Variants in ZFAND3 observed in about 807,000 individuals in gnomAD.
ZFAND3 encodes the protein zinc finger AN1-type containing 3.
ZFAND3 carries 10 observed loss-of-function variants against 29.6 expected under a neutral mutation model. The ratio of observed to expected loss-of-function variants is 0.34; its 90% CI spans 0.21 to 0.57. The LOEUF is 0.57. ZFAND3 is among the 20% of genes least tolerant of loss of function. ZFAND3 has a pLI of 0.86. For synonymous variants in ZFAND3, 128 were observed against 112.6 expected, an observed-to-expected ratio of 1.14 and a Z score of -0.87; for missense variants, 230 against 304.5, an observed-to-expected ratio of 0.76 and a Z score of 1.82.
intron 3 of ZFAND3, among the ~76,000 whole-genome samples, chr6:38,073,785 A>G (rs1561989484): frequency 6.6e-6 from 1 of 152,216 alleles, no homozygotes; most frequent in Non-Finnish European, 1.5e-5. Context: ...ATTACATCTG[A>G]AAAACTAAAA....
intron 2 of ZFAND3, among the ~76,000 whole-genome samples, chr6:38,022,204 T>C (rs956820826): frequency 2.6e-5 from 4 of 152,234 alleles, no homozygotes; most frequent in Non-Finnish European, 5.9e-5. Context: ...GTTATTTGAA[T>C]GCACATTAAA....
intron 2 of ZFAND3, among the ~76,000 whole-genome samples, chr6:37,942,299 A>C (rs1040479994): frequency 6.6e-6 from 1 of 151,968 alleles, no homozygotes; most frequent in African/African-American, 2.4e-5. Flanking sequence ...AGAAGGGTAA[A>C]GTTTACCTCC....
intron 4 of ZFAND3, among the ~76,000 whole-genome samples, chr6:38,084,010 G>A (rs1306016902): frequency 2.6e-5 from 4 of 152,086 alleles, no homozygotes; most frequent in African/African-American, 9.6e-5. Context: ...TTTTACAGAT[G>A]AAAAAAATGT....
At position 38,061,648 on chromosome 6, in the gene ZFAND3, A is replaced by G. The variant is rs368459987; in HGVS notation, c.168A>G (p.Gln56=). 45 of 1,614,086 alleles carry G rather than the reference A, an allele frequency of 2.8e-5. No homozygotes were observed. Among genetic ancestry groups the G allele is most frequent in the African/African-American group, 5.3e-5 (4 of 74,928 alleles). Residue 56 remains glutamine, a synonymous_variant, in exon 3 of 6, where the codon CAA becomes CAG. Transcript: ENST00000287218. ...CCGCTCCAAGTACAAGTAACAGCCA[A>G]TCAGATTTGTTTTCCGAAGAGACCA... ...DDSAPSTSNS[Q]SDLFSEETTS...
chr6:37,820,884 C>T (rs72849354), intron 1 of ZFAND3, among the ~76,000 whole-genome samples: 9,949 of 152,270 alleles, frequency 0.065, 400 homozygotes, highest in Non-Finnish European at 0.094. Context: ...TTAAATTCTC[C>T]TGGTAACACT....
chr6:38,065,655 T>C (rs1201260419), intron 3 of ZFAND3, among the ~76,000 whole-genome samples: 1 of 152,212 alleles, frequency 6.6e-6, no homozygotes, highest in Non-Finnish European at 1.5e-5. Context: ...CTTTCTGCCC[T>C]AAGTTATAGA....
intron 1 of ZFAND3, among the ~76,000 whole-genome samples, chr6:37,876,048 G>A (rs13211881): frequency 0.13 from 19,824 of 151,844 alleles, 2,105 homozygotes; most frequent in African/African-American, 0.3. Context: ...TTATATTCAC[G>A]TTCTTTGCAA....
At chr6:37,851,144 A>C in intron 1 of ZFAND3, among the ~76,000 whole-genome samples, 1 of 135,326 alleles carries the variant, frequency 7.4e-6, no homozygotes. Context: ...GACTAATTTT[A>C]TCGTTTTCTT....
intron 4 of ZFAND3, among the ~76,000 whole-genome samples, chr6:38,086,877 A>G (rs12661200): frequency 0.46 from 69,945 of 152,046 alleles, 16,750 homozygotes; most frequent in Non-Finnish European, 0.52. Context: ...GACCCAGAAT[A>G]GACAAAGCTA....
intron 2 of ZFAND3, among the ~76,000 whole-genome samples, chr6:37,936,616 A>G (rs1211471061): frequency 1.3e-5 from 2 of 152,244 alleles, no homozygotes; most frequent in African/African-American, 4.8e-5. Flanking sequence ...TATGATGTAC[A>G]AGTGTATAGT....
chr6:37,905,178 T>G (rs1765386331), intron 1 of ZFAND3, among the ~76,000 whole-genome samples: 3 of 152,184 alleles, frequency 2.0e-5, no homozygotes, highest in Admixed American at 2.0e-4. Context: ...ATAGTTGGAC[T>G]GGCTTGTATG....
intron 5 of ZFAND3, among the ~76,000 whole-genome samples, chr6:38,124,172 GAC>G (rs1412159784): frequency 1.3e-5 from 2 of 152,182 alleles, no homozygotes; most frequent in African/African-American, 4.8e-5. Flanking sequence ...CCTTGAACTA[GAC>G]ACAGAGTGCT....
At chr6:37,983,586 C>T (rs1268458395) in intron 2 of ZFAND3, among the ~76,000 whole-genome samples, 3 of 151,844 alleles carry the variant, frequency 2.0e-5, no homozygotes, top group East Asian at 1.9e-4. Context: ...CTTGAACTCC[C>T]GACCTCAGGT....
chr6:38,034,517 C>T (rs1241050655), intron 2 of ZFAND3, among the ~76,000 whole-genome samples: 1 of 152,138 alleles, frequency 6.6e-6, no homozygotes, highest in Non-Finnish European at 1.5e-5. Context: ...GGGAGCACAT[C>T]ATGTGTTTGC....
intron 1 of ZFAND3, among the ~76,000 whole-genome samples, chr6:37,858,584 T>A (rs1421206555): frequency 3.3e-5 from 5 of 152,206 alleles, no homozygotes; most frequent in African/African-American, 1.2e-4. Flanking sequence ...AAAAGACTGT[T>A]TCCACCTATA....
intron 2 of ZFAND3, among the ~76,000 whole-genome samples, chr6:38,006,919 C>T (rs1763060954): frequency 6.6e-6 from 1 of 152,076 alleles, no homozygotes; most frequent in African/African-American, 2.4e-5. Context: ...CAAGTGGTTC[C>T]AAGTGCTCCT....
Position 38,073,489 on chromosome 6 carries a change from G to C in ZFAND3, c.296-8903G>C, listed in dbSNP as rs535423875. Among the ~76,000 whole-genome samples the C allele has an allele frequency of 2.6e-5, 4 of 152,264 alleles. No individual in the cohort carries two copies. In the South Asian group the frequency reaches 8.3e-4, roughly 32 times the overall value. On this transcript the variant is annotated intron_variant, in intron 3 of 5. Transcript: ENST00000287218. Reference sequence around the variant, plus strand: ...AAGCCTGTAAATAGTCAAAAGTGAAGCCTAAATTGGAGAGGTGACAGCCCC... The same window carrying C: ...AAGCCTGTAAATAGTCAAAAGTGAACCCTAAATTGGAGAGGTGACAGCCCC...
At chr6:37,986,644 A>G (rs1762675652) in intron 2 of ZFAND3, among the ~76,000 whole-genome samples, 1 of 152,142 alleles carries the variant, frequency 6.6e-6, no homozygotes, top group Non-Finnish European at 1.5e-5. Context: ...TTTTAAAATC[A>G]TTTATGTATT....
At chr6:38,030,633 A>G (rs1763541565) in intron 2 of ZFAND3, among the ~76,000 whole-genome samples, 1 of 152,194 alleles carries the variant, frequency 6.6e-6, no homozygotes, top group South Asian at 2.1e-4. Context: ...AGACATCTTT[A>G]AAAGGGGAGA....
Sources: gnomAD v4.1 joint callset for allele counts (sites outside exome capture counted in the v4.1 genomes callset) on GRCh38, gnomAD v4.1.1 for gene constraint, MANE v1.5 for transcripts, NCBI Gene and HGNC (gene_info 2026-07-23, HGNC 2026-07-21) for gene names.